The following VCP variants were observed in gnomAD, a reference collection of about 807,000 sequenced individuals.
VCP encodes valosin containing protein.
A neutral mutation model predicts 85.7 loss-of-function variants in VCP; 6 were observed. The ratio of observed to expected loss-of-function variants is 0.07; its 90% confidence interval spans 0.04 to 0.14. The LOEUF is 0.14. Ranked by LOEUF, VCP falls within the 10% of genes least tolerant of loss-of-function variation. VCP has a pLI of 1.00. For synonymous variants in VCP, 384 were observed against 367.1 expected (o/e 1.05, Z -0.53); for missense variants, 353 against 1,043.4 (o/e 0.34, Z 9.12).
At chr9:35,058,689 C>T (rs1828660062) in intron 15 of VCP, among the ~76,000 whole-genome samples, 1 of 152,186 alleles carries the variant, frequency 6.6e-6, no homozygotes, top group Admixed American at 6.5e-5. Context: ...ATCGCTTGAA[C>T]CTGGGAGGCA....
intron 1 of VCP, chr9:35,071,795 G>A (rs968833855): frequency 4.0e-6 from 4 of 989,070 alleles, no homozygotes; most frequent in Non-Finnish European, 4.8e-6. Flanking sequence ...AGGCGGCTGT[G>A]AGCTTCCCTG....
rs1352766484 is a variant in VCP, at chr9:35,072,426, C to T, written c.-73G>A. ...GCTACGAGCGGTGGCAAGCGACCGA[C>T]TGGGCCGGGGCTCGGCTCTTCCAGG... On this transcript the variant is annotated 5_prime_UTR_variant, in exon 1 of 17. Coordinates refer to ENST00000358901, the MANE Select transcript of VCP (RefSeq NM_007126.5). The T allele has an allele frequency of 1.5e-5, 22 of 1,436,240 alleles. No homozygotes were observed. The highest frequency in any genetic ancestry group is 2.0e-5 in the Non-Finnish European group (22 of 1,099,090). The allele number at this position is 1,436,240 out of a possible 1,614,324, so 89.0% of individuals were successfully genotyped here. A position where few individuals can be genotyped will look rare whatever the true frequency, so the allele number is the denominator to read the frequency against.
rs202183012 is a variant in VCP at position 35,064,334 on chromosome 9, G to A, written c.577-49C>T. 5.7e-5 allele frequency: 91 copies of A among 1,609,138 alleles called. No homozygotes were observed. The African/African-American group carries it at 1.0e-3, about 18-fold the overall frequency. On this transcript the variant is annotated intron_variant, in intron 5 of 16. Transcript: ENST00000358901. Reference sequence around the variant, plus strand: ...AGGAGAAGGCAAGAATATTATATCAGCAAAAGCTGAGTTTCTCTAAATCAT... The same window carrying A: ...AGGAGAAGGCAAGAATATTATATCAACAAAAGCTGAGTTTCTCTAAATCAT...
intron 15 of VCP, among the ~76,000 whole-genome samples, chr9:35,058,449 G>C (rs2131027778): frequency 6.6e-6 from 1 of 152,250 alleles, no homozygotes; most frequent in African/African-American, 2.4e-5. Flanking sequence ...CCAACCATCA[G>C]GGATAAGTAT....
In VCP at chr9:35,059,709, A is replaced by G; in HGVS notation, c.1788T>C (p.Ala596=). Residue 596 remains alanine, a synonymous_variant, in exon 14 of 17, where the codon GCT becomes GCC. Transcript: ENST00000358901. The surrounding 1 kb of genome is among the most constrained non-coding windows in gnomAD (Gnocchi z 4.9). ...RGGNIGDGGG[A]ADRVINQILT... ...GGATCTGGTTGATGACTCGGTCAGCAGCCCCACCACCATCTCCAATGTTAC... is the reference window on the plus strand; with the variant it reads ...GGATCTGGTTGATGACTCGGTCAGCGGCCCCACCACCATCTCCAATGTTAC... 6.2e-7 allele frequency: 1 copy of G among 1,614,162 alleles called. No homozygotes were observed. Among genetic ancestry groups the G allele is most frequent in the Non-Finnish European group, 8.5e-7 (1 of 1,180,024 alleles).
intron 13 of VCP, 64 bp downstream of exon 13, chr9:35,060,249 A>G: frequency 6.4e-7 from 1 of 1,551,992 alleles, no homozygotes; most frequent in Non-Finnish European, 8.9e-7. Flanking sequence ...CCTCTTAAAG[A>G]AAAACAGCCT....
intron 1 of VCP, among the ~76,000 whole-genome samples, chr9:35,071,044 A>C (rs1200023109): frequency 6.6e-6 from 1 of 152,224 alleles, no homozygotes; most frequent in Non-Finnish European, 1.5e-5. Flanking sequence ...AGAGTCATCA[A>C]GGTGACCAAG....
At chr9:35,058,995 C>G in intron 15 of VCP, 69 bp downstream of exon 15, 1 of 1,603,570 alleles carries the variant, frequency 6.2e-7, no homozygotes, top group Non-Finnish European at 8.5e-7. Context: ...CTCTCAACTC[C>G]AGGGCATGGT....
rs748378458 is a variant in VCP, at chr9:35,060,439, C to T, written c.1569G>A (p.Gly523=). ...CAATGGCTTTGGCCAACAAAGTTTT[C>T]CCACAGCCAGGAGGTCCATAGAACA... ...GVLFYGPPGC[G]KTLLAKAIAN... The change falls in exon 13 of 17, where the codon GGG becomes GGA. Residue 523 remains glycine, a synonymous_variant. Coordinates refer to ENST00000358901, the MANE Select transcript of VCP (RefSeq NM_007126.5). 9 of 1,614,220 alleles carry T rather than the reference C, an allele frequency of 5.6e-6. No individual in the cohort carries two copies. In the Admixed American group the frequency reaches 6.7e-5, roughly 12 times the overall value.
chr9:35,068,368 A>T lies in VCP; in HGVS notation c.18-6T>A, dbSNP rs1587130773. On this transcript the variant is annotated splice_region_variant and splice_polypyrimidine_tract_variant and intron_variant, in intron 1 of 16. Coordinates refer to ENST00000358901, the MANE Select transcript of VCP (RefSeq NM_007126.5). ...ATAGGTCATCACCTTTTGAACTAGA[A>T]GGAGGAAATGGAGTCAGTAGATACT... 1 of 1,613,664 alleles carries T rather than the reference A, an allele frequency of 6.2e-7. No homozygotes were observed. Among genetic ancestry groups the T allele is most frequent in the Admixed American group, 1.7e-5 (1 of 60,024 alleles).
rs572137001 is a variant in VCP at position 35,059,033 on chromosome 9, T to G, written c.2160+31A>C. The G allele has an allele frequency of 6.2e-7, 1 of 1,613,096 alleles. No homozygotes were observed. The highest frequency in any genetic ancestry group is 1.1e-5 in the South Asian group (1 of 91,012). On this transcript the variant is annotated intron_variant, in intron 15 of 16. Coordinates refer to ENST00000358901, the MANE Select transcript of VCP (RefSeq NM_007126.5). The surrounding 1 kb of genome is among the most constrained non-coding windows in gnomAD (Gnocchi z 4.9). ...TGGCTGCTGCCTGGCTCTCCATGAT[T>G]GGCACATCTGGGGAAAGGATGCAGA...
chr9:35,072,241 T>G, intron 1 of VCP, 96 bp downstream of exon 1: 1 of 1,466,298 alleles, frequency 6.8e-7, no homozygotes, highest in African/African-American at 1.5e-5. Flanking sequence ...TCTCCACCTC[T>G]CTGACGCGCC....
intron 4 of VCP, among the ~76,000 whole-genome samples, chr9:35,066,108 A>G (rs1323638953): frequency 2.0e-5 from 3 of 151,452 alleles, no homozygotes; most frequent in Non-Finnish European, 4.4e-5. Flanking sequence ...CCTGGGGGAC[A>G]GCGCGACACT....
chr9:35,058,724 G>A (rs1477281428), intron 15 of VCP, among the ~76,000 whole-genome samples: 1 of 152,074 alleles, frequency 6.6e-6, no homozygotes, highest in Non-Finnish European at 1.5e-5. Flanking sequence ...CCAAGATCGT[G>A]CCACTGCACT....
At chr9:35,066,581 T>TA (rs1454272191) in intron 4 of VCP, 94 bp downstream of exon 4, 146 of 1,312,152 alleles carry the variant, frequency 1.1e-4, no homozygotes, top group Non-Finnish European at 1.3e-4. Flanking sequence ...CATAAAAGAT[T>TA]TAAAAAAAAA....
rs1051383927 is a variant in VCP, at chr9:35,068,351, T to C, written c.29A>G (p.Asp10Gly). 6.2e-7 allele frequency: 1 copy of C among 1,614,136 alleles called. No individual in the cohort carries two copies. The highest frequency in any genetic ancestry group is 1.3e-5 in the African/African-American group (1 of 75,000). The change falls in exon 2 of 17, where the codon GAT becomes GGT. Residue 10 changes from aspartate to glycine, a missense_variant. Asp to Gly is a moderately conservative substitution (Grantham distance 94). Coordinates refer to ENST00000358901, the MANE Select transcript of VCP (RefSeq NM_007126.5). The stretch of plus-strand genomic sequence containing the variant: ...TTTGAGAATGGCTGTTGATAGGTCA[T>C]CACCTTTTGAACTAGAAGGAGGAAA... MASGADSKGDDLSTAILKQK... is the reference protein window; with the variant it reads MASGADSKGGDLSTAILKQK...
At chr9:35,071,401 T>C (rs1828942019) in intron 1 of VCP, among the ~76,000 whole-genome samples, 1 of 138,364 alleles carries the variant, frequency 7.2e-6, no homozygotes, top group Admixed American at 8.0e-5. Context: ...AGGATGGAGG[T>C]GGGGTCAGAA....
chr9:35,061,954 G>A, intron 9 of VCP, 49 bp downstream of exon 9: 2 of 1,613,902 alleles, frequency 1.2e-6, no homozygotes, highest in Non-Finnish European at 1.7e-6. Flanking sequence ...ATGAAGGAGA[G>A]AAGTAGGACC....
intron 12 of VCP, 70 bp downstream of exon 12, chr9:35,060,731 C>A: frequency 6.2e-7 from 1 of 1,612,172 alleles, no homozygotes; most frequent in South Asian, 1.1e-5. Context: ...AATGTGTTGA[C>A]ACCCTGAGAT....
Sources: allele counts gnomAD v4.1 joint callset (sites outside exome capture counted in the v4.1 genomes callset), GRCh38; gene constraint gnomAD v4.1.1; non-coding constraint Gnocchi (gnomAD v3.1); transcripts MANE v1.5; gene names NCBI Gene and HGNC (gene_info 2026-07-23, HGNC 2026-07-21).